Variants in ABI3BP observed in about 807,000 individuals in gnomAD.
The protein encoded by ABI3BP is ABI family member 3 binding protein, also known as target of Nesh-SH3.
Under a neutral mutation model 268.6 loss-of-function variants are expected in ABI3BP, and 216 were observed. The ratio of observed to expected loss-of-function variants is 0.80; its 90% confidence interval spans 0.72 to 0.90. The LOEUF (loss-of-function observed/expected upper bound fraction) is 0.90. ABI3BP is among the 40% of genes least tolerant of loss of function. The pLI, the probability that ABI3BP is intolerant of heterozygous loss-of-function variation, is 0.00. For synonymous variants in ABI3BP, 730 were observed against 730.0 expected (o/e 1.00, Z 0.00); for missense variants, 2,090 against 2,182.4 (o/e 0.96, Z 0.84).
At chr3:100,977,487 C>T (rs1280650268) in intron 1 of ABI3BP, among the ~76,000 whole-genome samples, 3 of 152,174 alleles carry the variant, frequency 2.0e-5, no homozygotes, top group African/African-American at 4.8e-5. Flanking sequence ...AGATGGCTCA[C>T]TCCGATGGCT....
At chr3:100,772,648 T>G (rs570545572) in intron 61 of ABI3BP, among the ~76,000 whole-genome samples, 1 of 152,090 alleles carries the variant, frequency 6.6e-6, no homozygotes, top group African/African-American at 2.4e-5. Flanking sequence ...CGTAACATAC[T>G]CAACCTAAAA....
At chr3:100,856,405 G>GA (rs1318117532) in intron 14 of ABI3BP, among the ~76,000 whole-genome samples, 1 of 152,138 alleles carries the variant, frequency 6.6e-6, no homozygotes, top group African/African-American at 2.4e-5. Context: ...AGCTCCCAAA[G>GA]AAAAATCTAA....
Position 100,869,330 on chromosome 3 carries a change from G to GTTTTTTTTTTTTTTTTT in ABI3BP, c.911-2391_911-2375dup, listed in dbSNP as rs144604645. ...ATATTGTTTTTTCTTCTTCTTTTTG[G>GTTTTTTTTTTTTTTTTT]TTTTTTTTTTTTTTTTTTTTTTTTT... On this transcript the variant is annotated intron_variant, in intron 9 of 67. Coordinates refer to ENST00000471714, the MANE Select transcript of ABI3BP (RefSeq NM_001375547.2). 7.4e-3 allele frequency among the ~76,000 whole-genome samples: 369 copies of GTTTTTTTTTTTTTTTTT among 49,744 alleles called. 46 individuals carry two copies. The highest frequency in any genetic ancestry group is 8.7e-3 in the Non-Finnish European group (254 of 29,042). The allele number at this position is 49,744 out of a possible 152,430, so 32.6% of individuals were successfully genotyped here. A position where few individuals can be genotyped will look rare whatever the true frequency, so the allele number is the denominator to read the frequency against.
chr3:100,854,930 GTT>G (rs67552039), intron 14 of ABI3BP, among the ~76,000 whole-genome samples: 2 of 149,178 alleles, frequency 1.3e-5, no homozygotes, highest in Non-Finnish European at 3.0e-5. Context: ...GTTAAATCAT[GTT>G]TTTTTTTTTC....
intron 57 of ABI3BP, among the ~76,000 whole-genome samples, chr3:100,784,497 C>A (rs1441980838): frequency 6.6e-6 from 1 of 152,132 alleles, no homozygotes; most frequent in African/African-American, 2.4e-5. Flanking sequence ...AATAGTAGAA[C>A]TACCATTCAA....
intron 6 of ABI3BP, 39 bp downstream of exon 6, chr3:100,885,497 A>T: frequency 7.7e-7 from 1 of 1,306,668 alleles, no homozygotes; most frequent in Non-Finnish European, 1.0e-6. Flanking sequence ...TGCAGATACA[A>T]TTTTTTAAAA....
chr3:100,757,498 A>G (rs2095684689), intron 63 of ABI3BP, among the ~76,000 whole-genome samples: 1 of 152,228 alleles, frequency 6.6e-6, no homozygotes, highest in African/African-American at 2.4e-5. Context: ...AAAAGTCTTC[A>G]TTATATCCTA....
At chr3:100,753,972 T>C in intron 64 of ABI3BP, 124 bp from the exon 65 acceptor site, 1 of 984,994 alleles carries the variant, frequency 1.0e-6, no homozygotes, top group East Asian at 2.6e-5. Flanking sequence ...GGTACTCTTT[T>C]GCTAAGGATT....
At chr3:100,806,988 T>C (rs2097727299) in intron 50 of ABI3BP, among the ~76,000 whole-genome samples, 1 of 152,092 alleles carries the variant, frequency 6.6e-6, no homozygotes, top group Non-Finnish European at 1.5e-5. Context: ...CATATCTCCT[T>C]TACCTTAAAC....
At chr3:100,887,141 AC>A (rs2042340876) in intron 4 of ABI3BP, among the ~76,000 whole-genome samples, 1 of 151,976 alleles carries the variant, frequency 6.6e-6, no homozygotes, top group Non-Finnish European at 1.5e-5. Flanking sequence ...CCAGCTACTG[AC>A]TTTTACCAGT....
chr3:100,850,017 A>G lies in ABI3BP; in HGVS notation c.1501+28T>C, dbSNP rs767108152. 46 of 1,589,576 alleles carry G rather than the reference A, an allele frequency of 2.9e-5. No homozygotes were observed. In the East Asian group the frequency reaches 8.8e-4, roughly 30 times the overall value. The stretch of plus-strand genomic sequence containing the variant: ...CACATTACCTGTTTCGTCAATGCAT[A>G]CATAACTACATAAATGTCATTAGTT... On this transcript the variant is annotated intron_variant, in intron 17 of 67. Coordinates refer to ENST00000471714, the MANE Select transcript of ABI3BP (RefSeq NM_001375547.2).
chr3:100,894,938 C>CAAAAAAAAAAAA lies in ABI3BP; in HGVS notation c.461+3812_461+3823dup, dbSNP rs58342344. Among the ~76,000 whole-genome samples the CAAAAAAAAAAAA allele has an allele frequency of 1.9e-3, 71 of 37,730 alleles. 5 individuals carry two copies. Among genetic ancestry groups the CAAAAAAAAAAAA allele is most frequent in the East Asian group, 6.3e-3 (4 of 636 alleles). The allele number at this position is 37,730 out of a possible 152,430, so 24.8% of individuals were successfully genotyped here. A position where few individuals can be genotyped will look rare whatever the true frequency, so the allele number is the denominator to read the frequency against. ...TGGGCGACAGAGCGGGATTCCGCTT[C>CAAAAAAAAAAAA]AAAAAAAAAAAAAAAAAAAAAAAAA... is the stretch of plus-strand genomic sequence containing the variant. On this transcript the variant is annotated intron_variant, in intron 4 of 67. Coordinates refer to ENST00000471714, the MANE Select transcript of ABI3BP (RefSeq NM_001375547.2).
At chr3:100,981,880 G>C (rs894697679) in intron 1 of ABI3BP, among the ~76,000 whole-genome samples, 14 of 152,160 alleles carry the variant, frequency 9.2e-5, no homozygotes, top group African/African-American at 3.1e-4. Context: ...CAGTGTCCAG[G>C]CTACTGGAGT....
In ABI3BP at chr3:100,823,374, C is replaced by T. The variant is rs898718006; in HGVS notation, c.2803+84G>A. 178 of 1,205,054 alleles carry T rather than the reference C, an allele frequency of 1.5e-4. No individual in the cohort carries two copies. The African/African-American group carries it at 2.4e-3, about 16-fold the overall frequency. The allele number at this position is 1,205,054 out of a possible 1,614,324, so 74.6% of individuals were successfully genotyped here. ...AGAGTTGAATGGCCATCAAGAATGA[C>T]ACTGTTGTCTCAAGAAACAAATTGA... On this transcript the variant is annotated intron_variant, in intron 37 of 67. Coordinates refer to ENST00000471714, the MANE Select transcript of ABI3BP (RefSeq NM_001375547.2).
chr3:100,838,181 T>C, intron 26 of ABI3BP, 29 bp downstream of exon 26: 1 of 1,515,586 alleles, frequency 6.6e-7, no homozygotes, highest in South Asian at 1.2e-5. Context: ...AAAATCCTGT[T>C]AAGCTAAAGC....
At chr3:100,815,384 C>T (rs891051234) in intron 44 of ABI3BP, among the ~76,000 whole-genome samples, 3 of 152,048 alleles carry the variant, frequency 2.0e-5, no homozygotes, top group South Asian at 2.1e-4. Context: ...TCCTACTTAG[C>T]GAAGATTAAG....
chr3:100,876,365 G>A, intron 7 of ABI3BP, 147 bp downstream of exon 7: 1 of 717,162 alleles, frequency 1.4e-6, no homozygotes, highest in Non-Finnish European at 2.2e-6. Flanking sequence ...TTAACTTCCA[G>A]TTTACTAGAC....
chr3:100,902,766 C>T (rs2051066008), intron 2 of ABI3BP, 80 bp from the exon 3 acceptor site: 5 of 1,184,594 alleles, frequency 4.2e-6, no homozygotes, highest in East Asian at 4.9e-5. Flanking sequence ...CCTGATTCAG[C>T]ATTCCCTGAG....
At chr3:100,843,727 T>C (rs2098736383) in intron 20 of ABI3BP, 1 of 983,460 alleles carries the variant, frequency 1.0e-6, no homozygotes, top group Non-Finnish European at 1.2e-6. Flanking sequence ...AAAATAAACA[T>C]CAATACATGA....
Sources: gnomAD v4.1 joint callset for allele counts (sites outside exome capture counted in the v4.1 genomes callset) on GRCh38, gnomAD v4.1.1 for gene constraint, MANE v1.5 for transcripts, NCBI Gene and HGNC (gene_info 2026-07-23, HGNC 2026-07-21) for gene names.